Variants in SIPA1L2 observed in about 807,000 individuals in gnomAD.
SIPA1L2 encodes signal induced proliferation associated 1 like 2, also known as signal-induced proliferation-associated 1-like protein 2.
SIPA1L2 carries 56 observed loss-of-function variants against 163.9 expected under a neutral mutation model. The ratio of observed to expected loss-of-function variants is 0.34; its 90% CI spans 0.28 to 0.43. The LOEUF is 0.43. Ranked by LOEUF, SIPA1L2 falls within the 20% of genes least tolerant of loss-of-function variation. The pLI, the probability that SIPA1L2 is intolerant of heterozygous loss-of-function variation, is 1.00. For synonymous variants in SIPA1L2, 877 were observed against 865.7 expected (o/e 1.01, Z -0.23); for missense variants, 1,974 against 2,193.5 (o/e 0.90, Z 2.00).
Position 232,439,485 on chromosome 1 carries a change from T to G in SIPA1L2, c.3654A>C (p.Lys1218Asn), listed in dbSNP as rs1230047035. 6.2e-7 allele frequency: 1 copy of G among 1,611,606 alleles called. No homozygotes were observed. ...TGCTGCTGGAGTGACTGGAGCAACT[T>G]TTATCCCCAATCTTCAGAAGAAAGA... Reference protein sequence around the residue: ...SPNKLSHIGDKSCSSHSSSNT... With the variant: ...SPNKLSHIGDNSCSSHSSSNT... Residue 1218 changes from lysine to asparagine, a missense_variant, in exon 15 of 23, where the codon AAA (lysine) becomes AAC (asparagine). Coordinates refer to ENST00000674635, the MANE Select transcript of SIPA1L2 (RefSeq NM_020808.5).
At chr1:232,560,464 A>T (rs1658965137) in intron 2 of SIPA1L2, among the ~76,000 whole-genome samples, 1 of 152,266 alleles carries the variant, frequency 6.6e-6, no homozygotes, top group South Asian at 2.1e-4. Flanking sequence ...TCTGCTCATG[A>T]AGCTGAGTAC....
chr1:232,490,344 A>T (rs749782569), intron 5 of SIPA1L2, among the ~76,000 whole-genome samples: 15 of 152,160 alleles, frequency 9.9e-5, no homozygotes, highest in Non-Finnish European at 1.9e-4. Flanking sequence ...TCTTTCCCCA[A>T]GGTACTCACT....
intron 18 of SIPA1L2, among the ~76,000 whole-genome samples, chr1:232,417,514 C>A (rs1243210665): frequency 6.6e-6 from 1 of 152,108 alleles, no homozygotes; most frequent in Non-Finnish European, 1.5e-5. Flanking sequence ...AGGGAAGCAG[C>A]AACGCAGGAG....
chr1:232,489,332 G>A (rs915989686), intron 5 of SIPA1L2, among the ~76,000 whole-genome samples: 1 of 151,990 alleles, frequency 6.6e-6, no homozygotes, highest in Non-Finnish European at 1.5e-5. Context: ...TCTCTATCCC[G>A]CCATAACATG....
At chr1:232,529,753 T>C (rs1667883715) in intron 2 of SIPA1L2, among the ~76,000 whole-genome samples, 1 of 152,246 alleles carries the variant, frequency 6.6e-6, no homozygotes, top group Admixed American at 6.5e-5. Flanking sequence ...CTTTCTCTCT[T>C]TCCTCAGCTA....
In SIPA1L2 at chr1:232,483,842, C is replaced by T; in HGVS notation, c.1931G>A (p.Arg644Lys). ...FEEFLDLLGQ[R>K]VRLKGFSKYR... ...TTTACTAAATCCTTTCAGTCGGACT[C>T]TCTGGCCCAGAAGATCAAGGAATTC... is the stretch of plus-strand genomic sequence containing the variant. Residue 644 changes from arginine (R) to lysine (K), a missense_variant, in exon 6 of 23, where the codon AGA (arginine) becomes AAA (lysine). This residue lies in a region of SIPA1L2 where 288 missense variants were observed against 418.9 expected (regional missense o/e 0.69). Transcript: ENST00000674635. 1 of 1,614,068 alleles carries T rather than the reference C, an allele frequency of 6.2e-7. No homozygotes were observed. Among genetic ancestry groups the T allele is most frequent in the Non-Finnish European group, 8.5e-7 (1 of 1,179,968 alleles).
intron 10 of SIPA1L2, among the ~76,000 whole-genome samples, chr1:232,450,944 A>G (rs1052193544): frequency 6.6e-6 from 1 of 152,224 alleles, no homozygotes; most frequent in African/African-American, 2.4e-5. Context: ...CCTTGTGCAG[A>G]AAGTCATATA....
chr1:232,566,689 C>T (rs1207548570), intron 2 of SIPA1L2, among the ~76,000 whole-genome samples: 1 of 152,218 alleles, frequency 6.6e-6, no homozygotes, highest in Admixed American at 6.5e-5. Flanking sequence ...TTAATCTCCA[C>T]TTAAGTTGAA....
chr1:232,459,433 A>C (rs1021507592), intron 10 of SIPA1L2, among the ~76,000 whole-genome samples: 2 of 152,152 alleles, frequency 1.3e-5, no homozygotes, highest in Non-Finnish European at 2.9e-5. Context: ...CAGAAAGTAG[A>C]CCCAACAATC....
chr1:232,467,830 G>T (rs1454713020), intron 8 of SIPA1L2, among the ~76,000 whole-genome samples: 2 of 152,164 alleles, frequency 1.3e-5, no homozygotes, highest in Non-Finnish European at 2.9e-5. Context: ...TACAATGTCA[G>T]GGGAAATTTC....
rs201720219 is a variant in SIPA1L2, at chr1:232,432,275, C to T, written c.4228G>A (p.Glu1410Lys). Residue 1410 changes from glutamate to lysine, a missense_variant, in exon 16 of 23, where the codon GAG (glutamate) becomes AAG (lysine). By Grantham distance (56) the Glu-to-Lys change is moderately conservative (BLOSUM62 1). Coordinates refer to ENST00000674635, the MANE Select transcript of SIPA1L2 (RefSeq NM_020808.5). ...WKKSEGSPPP[E>K]EPEVTECPGM... ...GGACATTCAGTCACTTCAGGCTCCT[C>T]GGGCGGTGGGCTGCCCTCCGATTTC... 109 of 1,614,002 alleles carry T rather than the reference C, an allele frequency of 6.8e-5. No individual in the cohort carries two copies. Among genetic ancestry groups the T allele is most frequent in the African/African-American group, 5.2e-4 (39 of 75,042 alleles).
At chr1:232,591,988 T>G (rs4649391) in intron 1 of SIPA1L2, among the ~76,000 whole-genome samples, 1 of 151,970 alleles carries the variant, frequency 6.6e-6, no homozygotes, top group African/African-American at 2.4e-5. Context: ...CTATGGGTGC[T>G]TCTAGTGGGA....
chr1:232,461,527 G>C (rs1213328846), intron 9 of SIPA1L2, among the ~76,000 whole-genome samples: 1 of 152,118 alleles, frequency 6.6e-6, no homozygotes, highest in African/African-American at 2.4e-5. Context: ...TCCTTTATTA[G>C]GTAAATTGAC....
rs2102855197 is a variant in SIPA1L2 at position 232,439,131 on chromosome 1, G to A, written c.4008C>T (p.Leu1336=). The change falls in exon 15 of 23, where the codon CTC becomes CTT. Residue 1336 remains leucine, a synonymous_variant. Coordinates refer to ENST00000674635, the MANE Select transcript of SIPA1L2 (RefSeq NM_020808.5). The part of the protein sequence containing the change: ...GSAAEGSMGD[L]SEISSHSSGS... ...ACCTGGAATGAGAGGATATCTCACT[G>A]AGATCGCCCATGCTGCCTTCCGCAG... is the stretch of plus-strand genomic sequence containing the variant. 1.2e-6 allele frequency: 2 copies of A among 1,610,742 alleles called. No homozygotes were observed. The highest frequency in any genetic ancestry group is 1.3e-5 in the African/African-American group (1 of 75,058).
chr1:232,418,000 A>G (rs1381106311), intron 18 of SIPA1L2, among the ~76,000 whole-genome samples: 1 of 152,174 alleles, frequency 6.6e-6, no homozygotes, highest in Non-Finnish European at 1.5e-5. Context: ...ATACACGGCC[A>G]TTTCTACAGA....
intron 22 of SIPA1L2, among the ~76,000 whole-genome samples, chr1:232,401,190 T>C (rs561145983): frequency 5.9e-5 from 9 of 152,232 alleles, no homozygotes; most frequent in African/African-American, 2.2e-4. Context: ...GTTCTACACT[T>C]GCAGCTGGAG....
At chr1:232,609,748 T>C (rs544016652) in intron 1 of SIPA1L2, among the ~76,000 whole-genome samples, 25 of 151,020 alleles carry the variant, frequency 1.7e-4, no homozygotes, top group Admixed American at 1.3e-3. Context: ...GAGAATCACT[T>C]GTACCTGGGA....
chr1:232,599,628 G>A (rs574217993), intron 1 of SIPA1L2, among the ~76,000 whole-genome samples: 2 of 152,262 alleles, frequency 1.3e-5, no homozygotes, highest in South Asian at 4.1e-4. Flanking sequence ...TGGTGAGAGC[G>A]GCTACACGGT....
intron 1 of SIPA1L2, among the ~76,000 whole-genome samples, chr1:232,606,057 T>C (rs1472735947): frequency 6.6e-6 from 1 of 152,204 alleles, no homozygotes; most frequent in African/African-American, 2.4e-5. Context: ...GCATCTTTTG[T>C]AACAGCAAGA....
Sources: gnomAD v4.1 joint callset for allele counts (sites outside exome capture counted in the v4.1 genomes callset) on GRCh38, gnomAD v4.1.1 for gene constraint, gnomAD v4.1.1 regional missense constraint, MANE v1.5 for transcripts, NCBI Gene and HGNC (gene_info 2026-07-23, HGNC 2026-07-21) for gene names.